Variants in ADRA1A observed in about 807,000 individuals in gnomAD.
The protein encoded by ADRA1A is adrenoceptor alpha 1A.
ADRA1A carries 31 observed loss-of-function variants against 29.6 expected under a neutral mutation model. The observed-to-expected ratio is 1.05, with a 90% CI of 0.79 to 1.41. The LOEUF (loss-of-function observed/expected upper bound fraction) is 1.41. Among genes scored for constraint, ADRA1A ranks in the 40% most tolerant of loss-of-function variants. The probability of loss-of-function intolerance (pLI) is 0.00; values close to 1 mark genes in which losing one functional copy is unlikely to be tolerated. For missense variants in ADRA1A, 619 were observed against 601.1 expected (o/e 1.03, Z -0.31); for synonymous variants, 311 against 254.3 (o/e 1.22, Z -2.12).
At chr8:26,770,768 T>TA (rs1266736341) in intron 2 of ADRA1A, 102 bp from the exon 3 acceptor site, 3 of 1,443,610 alleles carry the variant, frequency 2.1e-6, no homozygotes, top group Non-Finnish European at 2.7e-6. Context: ...TTTAAACGGT[T>TA]AAAATGATCC....
chr8:26,762,108 G>A (rs1156926599), downstream of ADRA1A, among the ~76,000 whole-genome samples: 1 of 152,152 alleles, frequency 6.6e-6, no homozygotes, highest in African/African-American at 2.4e-5. The surrounding 1 kb of genome is among the most constrained non-coding windows in gnomAD (Gnocchi z 4.0). Context: ...AGAAGATGCA[G>A]AAGAAGAGAA....
intron 2 of ADRA1A, among the ~76,000 whole-genome samples, chr8:26,792,842 C>A (rs1807929231): frequency 6.7e-6 from 1 of 149,348 alleles, no homozygotes; most frequent in East Asian, 2.0e-4. Flanking sequence ...CTCACCCTTT[C>A]ATGAGTAAAA....
chr8:26,786,141 A>G (rs1807361326), intron 2 of ADRA1A, among the ~76,000 whole-genome samples: 1 of 152,176 alleles, frequency 6.6e-6, no homozygotes, highest in African/African-American at 2.4e-5. Flanking sequence ...CCATAGGGCC[A>G]TATGATCTGC....
intron 2 of ADRA1A, among the ~76,000 whole-genome samples, chr8:26,758,733 TG>T (rs1427820560): frequency 6.6e-6 from 1 of 152,148 alleles, no homozygotes; most frequent in Non-Finnish European, 1.5e-5. Context: ...GGGGTGGAGT[TG>T]GGAAGGTCAC....
In ADRA1A at chr8:26,848,366, T is replaced by A. The variant is rs542501949; in HGVS notation, c.883+15721A>T. 6.6e-6 allele frequency among the ~76,000 whole-genome samples: 1 copy of A among 152,146 alleles called. No homozygotes were observed. The highest frequency in any genetic ancestry group is 6.5e-5 in the Admixed American group (1 of 15,282). ...AGGAGGTGGGGCCTTTGGGAGGTGA[T>A]TAGGACTAGATGATGTCACGAGGGT... On this transcript the variant is annotated intron_variant, in intron 2 of 2. Coordinates refer to ENST00000380573, the MANE Select transcript of ADRA1A (RefSeq NM_000680.4). The surrounding 1 kb of genome is among the most constrained non-coding windows in gnomAD (Gnocchi z 4.3).
intron 2 of ADRA1A, among the ~76,000 whole-genome samples, chr8:26,797,047 G>A (rs1215901561): frequency 1.3e-5 from 2 of 152,154 alleles, no homozygotes; most frequent in Non-Finnish European, 2.9e-5. Flanking sequence ...ATTTGCCTTT[G>A]CCACTATCAT....
At chr8:26,846,508 C>T (rs964527320) in intron 2 of ADRA1A, among the ~76,000 whole-genome samples, 1 of 152,174 alleles carries the variant, frequency 6.6e-6, no homozygotes, top group Admixed American at 6.5e-5. Flanking sequence ...GTGGCTCATG[C>T]CTGTAATCCT....
At chr8:26,828,450 A>G (rs549608645) in intron 2 of ADRA1A, among the ~76,000 whole-genome samples, 1 of 152,264 alleles carries the variant, frequency 6.6e-6, no homozygotes, top group South Asian at 2.1e-4. Context: ...AAAAAACACT[A>G]CACACCTAGA....
chr8:26,753,476 A>C (rs983163461), downstream of ADRA1A, among the ~76,000 whole-genome samples: 22 of 152,136 alleles, frequency 1.4e-4, no homozygotes, highest in Non-Finnish European at 1.5e-4. Context: ...AGGATATAAA[A>C]ATGAGATTCT....
At chr8:26,783,709 A>G (rs1360011577) in intron 2 of ADRA1A, among the ~76,000 whole-genome samples, 1 of 152,220 alleles carries the variant, frequency 6.6e-6, no homozygotes, top group Non-Finnish European at 1.5e-5. Flanking sequence ...AAATCATTCT[A>G]TTTCAAAGAT....
Position 26,796,319 on chromosome 8 carries a change from A to G in ADRA1A, c.884-25653T>C, listed in dbSNP as rs748794377. On this transcript the variant is annotated intron_variant, in intron 2 of 2. Transcript: ENST00000380573. The surrounding 1 kb of genome is among the most constrained non-coding windows in gnomAD (Gnocchi z 5.0). The stretch of plus-strand genomic sequence containing the variant: ...AAATATTAAAAAAGAATAAAAGCAC[A>G]TAACTAAAAAATAACTCACTGATTA... 7.9e-5 allele frequency among the ~76,000 whole-genome samples: 12 copies of G among 152,354 alleles called. No homozygotes were observed. The highest frequency in any genetic ancestry group is 1.5e-4 in the Non-Finnish European group (10 of 68,036).
intron 2 of ADRA1A, among the ~76,000 whole-genome samples, chr8:26,830,924 T>C (rs1178419426): frequency 1.3e-5 from 2 of 152,210 alleles, no homozygotes; most frequent in African/African-American, 2.4e-5. Flanking sequence ...CCTTTTTTCT[T>C]TTTATCTTAT....
At position 26,864,364 on chromosome 8, in the gene ADRA1A, G is replaced by T; in HGVS notation, c.606C>A (p.Val202=). The change falls in exon 2 of 3, where the codon GTC becomes GTA. Residue 202 remains valine, a synonymous_variant. Coordinates refer to ENST00000380573, the MANE Select transcript of ADRA1A (RefSeq NM_000680.4). This position sits in a 1 kb window ranked among gnomAD's most constrained non-coding sequence, Gnocchi z 8.1. ...SFYLPLAIIL[V]MYCRVYVVAK... is the part of the protein sequence containing the mutation. ...CCACCACGTAGACGCGGCAGTACAT[G>T]ACCAGGATGATGGCCAGAGGCAGGT... The T allele has an allele frequency of 6.2e-7, 1 of 1,613,990 alleles. No homozygotes were observed. Among genetic ancestry groups the T allele is most frequent in the South Asian group, 1.1e-5 (1 of 91,060 alleles).
downstream of ADRA1A, among the ~76,000 whole-genome samples, chr8:26,753,545 G>T (rs1395472927): frequency 4.6e-5 from 7 of 151,878 alleles, no homozygotes; most frequent in Non-Finnish European, 1.0e-4. Flanking sequence ...CTTATATTTT[G>T]CTCTTCCTAT....
intron 2 of ADRA1A, among the ~76,000 whole-genome samples, chr8:26,760,074 A>G (rs990771980): frequency 1.3e-5 from 2 of 152,348 alleles, no homozygotes; most frequent in East Asian, 3.9e-4. Context: ...CAGAAAACAC[A>G]ACAGTAGGTA....
intron 2 of ADRA1A, among the ~76,000 whole-genome samples, chr8:26,793,311 T>TA (rs1807963946): frequency 6.6e-6 from 1 of 151,920 alleles, no homozygotes; most frequent in Non-Finnish European, 1.5e-5. Flanking sequence ...AGTTTAAGAG[T>TA]AAATCAATGA....
chr8:26,762,655 G>T (rs140314991), downstream of ADRA1A, among the ~76,000 whole-genome samples: 3,839 of 152,258 alleles, frequency 0.025, 81 homozygotes, highest in Non-Finnish European at 0.036. The surrounding 1 kb of genome is among the most constrained non-coding windows in gnomAD (Gnocchi z 4.0). Flanking sequence ...CCAAACAGGG[G>T]ACGAAGAAGG....
In ADRA1A at chr8:26,769,892, G is replaced by A; in HGVS notation, c.*257C>T. Reference sequence around the variant, plus strand: ...CCCATGGTGGTTTTCGTTGAAGTGGGCACAGAGTGACCAAGAAAGCATTAG... The same window carrying A: ...CCCATGGTGGTTTTCGTTGAAGTGGACACAGAGTGACCAAGAAAGCATTAG... On this transcript the variant is annotated 3_prime_UTR_variant, in exon 3 of 3. Coordinates refer to ENST00000380573, the MANE Select transcript of ADRA1A (RefSeq NM_000680.4). 1 of 1,232,086 alleles carries A rather than the reference G, an allele frequency of 8.1e-7. No homozygotes were observed. Among genetic ancestry groups the A allele is most frequent in the Non-Finnish European group, 1.0e-6 (1 of 986,826 alleles). 76.3% of individuals were successfully genotyped at this position (1,232,086 alleles called of 1,614,324 possible). A position where few individuals can be genotyped will look rare whatever the true frequency, so the allele number is the denominator to read the frequency against.
chr8:26,758,847 G>C (rs929664459), intron 2 of ADRA1A, among the ~76,000 whole-genome samples: 1 of 152,160 alleles, frequency 6.6e-6, no homozygotes, highest in East Asian at 1.9e-4. Context: ...CTGCAGACTT[G>C]ACTTACTTGC....
Sources: allele counts gnomAD v4.1 joint callset (sites outside exome capture counted in the v4.1 genomes callset), GRCh38; gene constraint gnomAD v4.1.1; non-coding constraint Gnocchi (gnomAD v3.1); transcripts MANE v1.5; gene names NCBI Gene and HGNC (gene_info 2026-07-23, HGNC 2026-07-21).